The following RBFOX1 variants were observed in gnomAD, a reference collection of about 807,000 sequenced individuals.
The protein encoded by RBFOX1 is RNA binding protein fox-1 homolog 1.
A neutral mutation model predicts 57.7 loss-of-function variants in RBFOX1; 8 were observed. That is an observed-to-expected ratio of 0.14 (90% CI 0.08 to 0.25). The LOEUF (loss-of-function observed/expected upper bound fraction) is 0.25. RBFOX1 is among the 10% of genes least tolerant of loss of function. The probability of loss-of-function intolerance (pLI) is 1.00; values close to 1 mark genes in which losing one functional copy is unlikely to be tolerated. For missense variants in RBFOX1, 611 were observed against 548.5 expected (o/e 1.11, Z -1.14); for synonymous variants, 326 against 222.4 (o/e 1.47, Z -4.15).
chr16:6,982,553 C>T (rs1018928614), intron 3 of RBFOX1, among the ~76,000 whole-genome samples: 5 of 152,300 alleles, frequency 3.3e-5, no homozygotes, highest in East Asian at 1.9e-4. Context: ...TTGATGGAAT[C>T]TCCCTGTTAG....
At chr16:6,235,006 A>G (rs750359335) in intron 1 of RBFOX1, among the ~76,000 whole-genome samples, 1 of 152,162 alleles carries the variant, frequency 6.6e-6, no homozygotes. Flanking sequence ...GCCTGTAATT[A>G]TTTCAAAATA....
chr16:6,155,675 C>T (rs534813296), intron 1 of RBFOX1, among the ~76,000 whole-genome samples: 7 of 152,250 alleles, frequency 4.6e-5, no homozygotes, highest in East Asian at 1.9e-4. Context: ...CTCTTAACTC[C>T]GAGTACAATG....
intron 4 of RBFOX1, among the ~76,000 whole-genome samples, chr16:7,421,074 C>G (rs920715948): frequency 3.3e-5 from 5 of 151,852 alleles, no homozygotes; most frequent in Non-Finnish European, 7.4e-5. Context: ...ATCTTGCAGT[C>G]TTGTGGCGGT....
chr16:7,488,184 A>G (rs2065917603), intron 4 of RBFOX1, among the ~76,000 whole-genome samples: 1 of 152,106 alleles, frequency 6.6e-6, no homozygotes. Context: ...TCACATCTTC[A>G]TCTGCAGCGT....
At chr16:5,870,807 T>A (rs2057451488) in intron 4 of RBFOX1, among the ~76,000 whole-genome samples, 1 of 152,150 alleles carries the variant, frequency 6.6e-6, no homozygotes, top group Admixed American at 6.5e-5. Context: ...GTTAGGTAAA[T>A]AATAGTGGCT....
chr16:6,359,060 G>C (rs904964889), intron 2 of RBFOX1, among the ~76,000 whole-genome samples: 23 of 151,266 alleles, frequency 1.5e-4, no homozygotes, highest in Admixed American at 1.3e-4. Context: ...CAAATGCTCA[G>C]CTTGTTGTTG....
intron 4 of RBFOX1, among the ~76,000 whole-genome samples, chr16:7,385,542 C>G (rs2097860900): frequency 6.6e-6 from 1 of 152,092 alleles, no homozygotes. Context: ...AGTGAGCTTG[C>G]AGAAGTTCTA....
At chr16:7,331,856 T>G (rs1175315691) in intron 4 of RBFOX1, among the ~76,000 whole-genome samples, 1 of 152,156 alleles carries the variant, frequency 6.6e-6, no homozygotes, top group Non-Finnish European at 1.5e-5. Flanking sequence ...CCCTAGGAAT[T>G]TATCTGCTCC....
At chr16:7,553,850 C>T (rs1438422888) in intron 5 of RBFOX1, among the ~76,000 whole-genome samples, 1 of 152,194 alleles carries the variant, frequency 6.6e-6, no homozygotes, top group Non-Finnish European at 1.5e-5. Context: ...GACATTTAAC[C>T]TCAGCTAAGT....
intron 4 of RBFOX1, among the ~76,000 whole-genome samples, chr16:7,086,381 T>C (rs1381269239): frequency 1.3e-5 from 2 of 152,178 alleles, no homozygotes; most frequent in Non-Finnish European, 2.9e-5. Flanking sequence ...GTACATTGTA[T>C]GTTTTAATAT....
At chr16:5,526,476 A>G (rs974277332) in intron 2 of RBFOX1, among the ~76,000 whole-genome samples, 3 of 152,020 alleles carry the variant, frequency 2.0e-5, no homozygotes, top group African/African-American at 7.3e-5. Context: ...GTTAGTAGAG[A>G]TGGGGTTTTA....
At chr16:7,303,265 G>A (rs778200536) in intron 4 of RBFOX1, among the ~76,000 whole-genome samples, 1 of 152,194 alleles carries the variant, frequency 6.6e-6, no homozygotes, top group Non-Finnish European at 1.5e-5. Context: ...CGGCGCTTCG[G>A]TGCTCTGCTG....
At chr16:5,434,740 C>T (rs762286665) in intron 1 of RBFOX1, among the ~76,000 whole-genome samples, 1 of 152,164 alleles carries the variant, frequency 6.6e-6, no homozygotes, top group Non-Finnish European at 1.5e-5. Context: ...AGCTTATTTG[C>T]AATACCTTGT....
intron 4 of RBFOX1, among the ~76,000 whole-genome samples, chr16:7,486,879 A>G (rs1408410867): frequency 6.6e-6 from 1 of 152,048 alleles, no homozygotes; most frequent in Non-Finnish European, 1.5e-5. Flanking sequence ...GTTAGTTCAA[A>G]CACAATTCTC....
At chr16:5,293,835 C>G (rs1211018058) in intron 1 of RBFOX1, among the ~76,000 whole-genome samples, 1 of 152,018 alleles carries the variant, frequency 6.6e-6, no homozygotes, top group Non-Finnish European at 1.5e-5. Context: ...TGTTTTGCAA[C>G]TAGACAGGGA....
rs572511395 is a variant in RBFOX1, at chr16:6,713,482, A to C, written c.-16+58832A>C. 1.8e-4 allele frequency among the ~76,000 whole-genome samples: 27 copies of C among 152,162 alleles called. No homozygotes were observed. In the East Asian group the frequency reaches 5.2e-3, roughly 29 times the overall value. ...TGTGCTGTAGGGGTCTGTCCTGTGC[A>C]TTGTAGGATGTTGAGGAGCATCCCT... On this transcript the variant is annotated intron_variant, in intron 3 of 15. Transcript: ENST00000550418.
At chr16:6,394,874 G>C (rs1369624682) in intron 2 of RBFOX1, among the ~76,000 whole-genome samples, 3 of 152,180 alleles carry the variant, frequency 2.0e-5, no homozygotes, top group Non-Finnish European at 4.4e-5. Context: ...TCTCACAGCT[G>C]TGTATCGTGG....
At chr16:5,594,259 C>G (rs575322084) in intron 2 of RBFOX1, among the ~76,000 whole-genome samples, 4 of 152,104 alleles carry the variant, frequency 2.6e-5, no homozygotes, top group Admixed American at 6.5e-5. Context: ...ACTATAGATA[C>G]AAAGATTGAT....
At chr16:5,788,162 G>A (rs2054571051) in intron 3 of RBFOX1, among the ~76,000 whole-genome samples, 2 of 152,184 alleles carry the variant, frequency 1.3e-5, no homozygotes. Flanking sequence ...CATGCTGGAG[G>A]TTGCTCCCAG....
Sources: allele counts gnomAD v4.1 joint callset (sites outside exome capture counted in the v4.1 genomes callset), GRCh38; gene constraint gnomAD v4.1.1; transcripts MANE v1.5; gene names NCBI Gene and HGNC (gene_info 2026-07-23, HGNC 2026-07-21).